The following ATRNL1 variants were observed in gnomAD, a reference collection of about 807,000 sequenced individuals.
The protein encoded by ATRNL1 is attractin-like protein 1.
In ATRNL1, 95 loss-of-function variants were observed where a neutral mutation model predicts 182.7. The ratio of observed to expected loss-of-function variants is 0.52; its 90% CI spans 0.44 to 0.62. The LOEUF (loss-of-function observed/expected upper bound fraction) is 0.62, where lower values mean the gene tolerates loss of function less well. Ranked by LOEUF, ATRNL1 falls within the 20% of genes least tolerant of loss-of-function variation. The pLI is 0.00. For missense variants in ATRNL1, 1,471 were observed against 1,679.5 expected, an observed-to-expected ratio of 0.88 and a Z score of 2.17; for synonymous variants, 576 against 568.3, an observed-to-expected ratio of 1.01 and a Z score of -0.19.
chr10:115,604,900 G>A (rs528369606), intron 26 of ATRNL1, among the ~76,000 whole-genome samples: 2 of 151,606 alleles, frequency 1.3e-5, no homozygotes, highest in East Asian at 3.9e-4. Context: ...TTTTGTATTT[G>A]CAATTTTCTT....
chr10:115,697,794 T>A (rs1946611344), intron 26 of ATRNL1, among the ~76,000 whole-genome samples: 1 of 152,190 alleles, frequency 6.6e-6, no homozygotes, highest in African/African-American at 2.4e-5. Context: ...AACAAAGCAT[T>A]TTTTATAACT....
intron 28 of ATRNL1, among the ~76,000 whole-genome samples, chr10:115,884,265 A>G (rs1951892860): frequency 6.6e-6 from 1 of 152,192 alleles, no homozygotes. Context: ...GCCTATTTTC[A>G]AGGATGGGAG....
intron 26 of ATRNL1, among the ~76,000 whole-genome samples, chr10:115,701,416 C>T (rs1468260728): frequency 6.6e-6 from 1 of 151,810 alleles, no homozygotes; most frequent in East Asian, 1.9e-4. Context: ...CAAAAACTAA[C>T]CCCAATGCTA....
At chr10:115,429,864 G>A (rs865162) in intron 21 of ATRNL1, among the ~76,000 whole-genome samples, 45,613 of 151,906 alleles carry the variant, frequency 0.3, 7,448 homozygotes, top group African/African-American at 0.43. Flanking sequence ...TCAGGAGATC[G>A]AGACCATCCT....
chr10:115,814,608 G>A (rs1950120056), intron 27 of ATRNL1, among the ~76,000 whole-genome samples: 1 of 152,122 alleles, frequency 6.6e-6, no homozygotes, highest in Non-Finnish European at 1.5e-5. Flanking sequence ...CAGACTAAAT[G>A]TTTTTTTCCT....
At chr10:115,526,034 A>G (rs1444564609) in intron 25 of ATRNL1, among the ~76,000 whole-genome samples, 3 of 152,150 alleles carry the variant, frequency 2.0e-5, no homozygotes, top group African/African-American at 7.2e-5. Flanking sequence ...ACAGTTTGTG[A>G]GGGGGCACCT....
At chr10:115,707,171 C>T (rs1317139011) in intron 26 of ATRNL1, among the ~76,000 whole-genome samples, 3 of 151,716 alleles carry the variant, frequency 2.0e-5, no homozygotes, top group Non-Finnish European at 4.4e-5. Context: ...TCTAAAATAG[C>T]AAAAATTATT....
intron 18 of ATRNL1, among the ~76,000 whole-genome samples, chr10:115,322,160 A>C (rs1337307205): frequency 6.6e-5 from 10 of 152,020 alleles, no homozygotes; most frequent in Non-Finnish European, 1.3e-4. Flanking sequence ...TTATTCATAT[A>C]GGTCTATTCT....
chr10:115,669,176 G>A (rs1484503207), intron 26 of ATRNL1, among the ~76,000 whole-genome samples: 1 of 151,994 alleles, frequency 6.6e-6, no homozygotes, highest in African/African-American at 2.4e-5. Flanking sequence ...CAAGACTTAA[G>A]AAAACATTTA....
At chr10:115,762,934 G>A (rs1948767572) in intron 27 of ATRNL1, among the ~76,000 whole-genome samples, 1 of 151,904 alleles carries the variant, frequency 6.6e-6, no homozygotes, top group Non-Finnish European at 1.5e-5. Flanking sequence ...AAATTATTTA[G>A]AAACACTAAT....
chr10:115,397,695 G>T (rs980211013), intron 20 of ATRNL1, among the ~76,000 whole-genome samples: 6 of 151,838 alleles, frequency 4.0e-5, no homozygotes, highest in Non-Finnish European at 8.8e-5. Context: ...AAGAAAATAG[G>T]AAACAAGGGG....
intron 27 of ATRNL1, among the ~76,000 whole-genome samples, chr10:115,778,853 G>T (rs782580396): frequency 3.3e-5 from 5 of 152,162 alleles, no homozygotes; most frequent in Non-Finnish European, 7.3e-5. Flanking sequence ...ATGAGGACGT[G>T]AACCAAGGAC....
At chr10:115,300,916 T>A (rs943977199) in intron 16 of ATRNL1, among the ~76,000 whole-genome samples, 23 of 152,086 alleles carry the variant, frequency 1.5e-4, no homozygotes, top group Non-Finnish European at 1.5e-5. Context: ...CCCCCTACAG[T>A]CCCTAGCAAC....
intron 26 of ATRNL1, among the ~76,000 whole-genome samples, chr10:115,560,521 C>G (rs1853638339): frequency 6.6e-6 from 1 of 151,984 alleles, no homozygotes. Flanking sequence ...TTAAAGAAGA[C>G]CTAAATAAAT....
chr10:115,769,043 G>C (rs2960690), intron 27 of ATRNL1, among the ~76,000 whole-genome samples: 28,398 of 152,004 alleles, frequency 0.19, 2,715 homozygotes, highest in Non-Finnish European at 0.2. Flanking sequence ...CATTAAGTTA[G>C]ATGAAAACAA....
At chr10:115,396,260 C>T (rs1347916947) in intron 20 of ATRNL1, among the ~76,000 whole-genome samples, 1 of 151,772 alleles carries the variant, frequency 6.6e-6, no homozygotes. Flanking sequence ...TTAAGGAAGG[C>T]CATTTTGGTC....
At chr10:115,488,710 G>T (rs188757011) in intron 24 of ATRNL1, among the ~76,000 whole-genome samples, 3 of 152,038 alleles carry the variant, frequency 2.0e-5, no homozygotes, top group Admixed American at 6.6e-5. Flanking sequence ...AGGGTTTTTC[G>T]TGTCTCTATC....
At chr10:115,360,223 GTTA>G (rs1436335785) in intron 19 of ATRNL1, among the ~76,000 whole-genome samples, 1 of 151,626 alleles carries the variant, frequency 6.6e-6, no homozygotes, top group Non-Finnish European at 1.5e-5. Context: ...TACACATAAT[GTTA>G]TTATTGATTT....
intron 27 of ATRNL1, among the ~76,000 whole-genome samples, chr10:115,787,928 G>A (rs1949434982): frequency 6.6e-6 from 1 of 152,182 alleles, no homozygotes; most frequent in Admixed American, 6.5e-5. Flanking sequence ...GATAGTAGAT[G>A]CAGAGATTTG....
Sources: gnomAD v4.1 joint callset for allele counts (sites outside exome capture counted in the v4.1 genomes callset) on GRCh38, gnomAD v4.1.1 for gene constraint, MANE v1.5 for transcripts, NCBI Gene and HGNC (gene_info 2026-07-23, HGNC 2026-07-21) for gene names.